CAMK2D: variants seen among roughly 807,000 people sequenced by gnomAD.
CAMK2D encodes the protein calcium/calmodulin-dependent protein kinase type II subunit delta.
CAMK2D carries 37 observed loss-of-function variants against 84.0 expected under a neutral mutation model. The ratio of observed to expected loss-of-function variants is 0.44; its 90% CI spans 0.34 to 0.58. The LOEUF (loss-of-function observed/expected upper bound fraction) is 0.58. Among genes scored for constraint, CAMK2D ranks in the 20% least tolerant of loss-of-function variants. CAMK2D has a pLI of 0.02. For missense variants in CAMK2D, 448 were observed against 652.5 expected, an observed-to-expected ratio of 0.69 and a Z score of 3.41; for synonymous variants, 202 against 212.5, an observed-to-expected ratio of 0.95 and a Z score of 0.43.
chr4:113,749,058 C>T (rs992162848), intron 2 of CAMK2D, among the ~76,000 whole-genome samples: 4 of 151,666 alleles, frequency 2.6e-5, no homozygotes, highest in African/African-American at 9.7e-5. Context: ...CCCCAAATCA[C>T]TATTGCCACT....
At chr4:113,548,710 G>T in intron 5 of CAMK2D, 1 of 1,584,110 alleles carries the variant, frequency 6.3e-7, no homozygotes, top group Non-Finnish European at 8.7e-7. Flanking sequence ...ACACTTTCTA[G>T]AATCTGCTGT....
chr4:113,709,034 T>C (rs1156454612), intron 2 of CAMK2D, among the ~76,000 whole-genome samples: 1 of 152,068 alleles, frequency 6.6e-6, no homozygotes, highest in Non-Finnish European at 1.5e-5. Flanking sequence ...AAACAGAAGT[T>C]TGTTTGTTTG....
At chr4:113,465,042 T>C (rs1485060962) in intron 17 of CAMK2D, among the ~76,000 whole-genome samples, 2 of 152,282 alleles carry the variant, frequency 1.3e-5, no homozygotes, top group East Asian at 3.9e-4. Flanking sequence ...CTTTTTTCTT[T>C]TCTTTTTTGA....
At position 113,760,432 on chromosome 4, in the gene CAMK2D, T is replaced by C. The variant is rs540078075; in HGVS notation, c.65+572A>G. Among the ~76,000 whole-genome samples, 33 of 152,202 alleles carry C rather than the reference T, an allele frequency of 2.2e-4. No individual in the cohort carries two copies. In the South Asian group the frequency reaches 5.4e-3, roughly 25 times the overall value. On this transcript the variant is annotated intron_variant, in intron 1 of 20. Coordinates refer to ENST00000511664, the MANE Select transcript of CAMK2D (RefSeq NM_001321571.2). Reference sequence around the variant, plus strand: ...ACAACACTGGATATAGGGCAAGGGGTTGGGTTCTGTTGGGTGGCCCTTTTC... The same window carrying C: ...ACAACACTGGATATAGGGCAAGGGGCTGGGTTCTGTTGGGTGGCCCTTTTC...
chr4:113,465,753 C>A (rs2097452498), intron 16 of CAMK2D, 149 bp from the exon 17 acceptor site: 1 of 599,726 alleles, frequency 1.7e-6, no homozygotes, highest in Non-Finnish European at 3.0e-6. Context: ...CAGCCTTGAC[C>A]TCCTGGGCTC....
At chr4:113,535,889 CA>C (rs1342505038) in intron 7 of CAMK2D, among the ~76,000 whole-genome samples, 2 of 152,154 alleles carry the variant, frequency 1.3e-5, no homozygotes, top group African/African-American at 2.4e-5. Flanking sequence ...GTTATAGATA[CA>C]AAAGCCTTAG....
chr4:113,678,390 T>C (rs2154332306), intron 2 of CAMK2D, among the ~76,000 whole-genome samples: 1 of 152,292 alleles, frequency 6.6e-6, no homozygotes, highest in East Asian at 1.9e-4. Flanking sequence ...TAGGCATCTA[T>C]TCTCTTCGTG....
At chr4:113,738,131 T>C (rs2099585423) in intron 2 of CAMK2D, among the ~76,000 whole-genome samples, 2 of 146,792 alleles carry the variant, frequency 1.4e-5, no homozygotes, top group African/African-American at 5.1e-5. Context: ...CAATTCTCTA[T>C]AAAAGAAGTG....
intron 2 of CAMK2D, among the ~76,000 whole-genome samples, chr4:113,705,826 A>T (rs2154351430): frequency 6.6e-6 from 1 of 152,322 alleles, no homozygotes; most frequent in Admixed American, 6.5e-5. Context: ...GACGTAATGT[A>T]TGCATCAAGA....
At chr4:113,599,274 G>A (rs537381815) in intron 4 of CAMK2D, among the ~76,000 whole-genome samples, 1 of 152,260 alleles carries the variant, frequency 6.6e-6, no homozygotes, top group South Asian at 2.1e-4. Context: ...AAGAATACTG[G>A]CAGTGTTTTA....
intron 3 of CAMK2D, among the ~76,000 whole-genome samples, chr4:113,614,107 C>CA (rs1279901428): frequency 6.6e-6 from 1 of 152,072 alleles, no homozygotes; most frequent in Non-Finnish European, 1.5e-5. Context: ...TGACAGGATA[C>CA]AAAGTCAATG....
intron 8 of CAMK2D, among the ~76,000 whole-genome samples, chr4:113,528,729 T>A (rs2098438530): frequency 6.6e-6 from 1 of 152,202 alleles, no homozygotes; most frequent in Non-Finnish European, 1.5e-5. Context: ...TATGATTGTA[T>A]CCTTCACAAA....
At chr4:113,655,535 T>C (rs2099195785) in intron 3 of CAMK2D, among the ~76,000 whole-genome samples, 1 of 152,144 alleles carries the variant, frequency 6.6e-6, no homozygotes, top group Non-Finnish European at 1.5e-5. Flanking sequence ...GCTTACCTTA[T>C]AAAGATAGTG....
chr4:113,703,514 G>A (rs1003671375), intron 2 of CAMK2D, among the ~76,000 whole-genome samples: 29 of 152,118 alleles, frequency 1.9e-4, no homozygotes, highest in Admixed American at 3.9e-4. Context: ...GTAGAGATGC[G>A]GTATTGCTAT....
chr4:113,716,979 T>C (rs2099515650), intron 2 of CAMK2D, among the ~76,000 whole-genome samples: 2 of 152,214 alleles, frequency 1.3e-5, no homozygotes, highest in Non-Finnish European at 2.9e-5. Flanking sequence ...ATTATTTTCA[T>C]TTAATATTGG....
At chr4:113,530,801 G>C (rs920969164) in intron 8 of CAMK2D, among the ~76,000 whole-genome samples, 1 of 152,094 alleles carries the variant, frequency 6.6e-6, no homozygotes, top group Non-Finnish European at 1.5e-5. Context: ...ATAAATTTTT[G>C]TGGCCAGGCA....
At chr4:113,487,465 G>GAA (rs1454002962) in intron 16 of CAMK2D, among the ~76,000 whole-genome samples, 1 of 151,930 alleles carries the variant, frequency 6.6e-6, no homozygotes, top group African/African-American at 2.4e-5. Flanking sequence ...AATAATTTCA[G>GAA]AATTACATAA....
At chr4:113,503,926 C>T (rs528339105) in intron 14 of CAMK2D, among the ~76,000 whole-genome samples, 4 of 152,290 alleles carry the variant, frequency 2.6e-5, no homozygotes, top group Non-Finnish European at 5.9e-5. Flanking sequence ...ATCATGGACA[C>T]TCCCCCACCA....
At chr4:113,736,894 G>C (rs1418404402) in intron 2 of CAMK2D, among the ~76,000 whole-genome samples, 1 of 152,084 alleles carries the variant, frequency 6.6e-6, no homozygotes, top group African/African-American at 2.4e-5. Flanking sequence ...GTTTAGAACT[G>C]GCAATGTCCA....
Sources: allele counts gnomAD v4.1 joint callset (sites outside exome capture counted in the v4.1 genomes callset), GRCh38; gene constraint gnomAD v4.1.1; transcripts MANE v1.5; gene names NCBI Gene and HGNC (gene_info 2026-07-23, HGNC 2026-07-21).